The following CSMD1 variants were observed in gnomAD, a reference collection of about 807,000 sequenced individuals.
CSMD1 encodes the protein CUB and Sushi multiple domains 1.
CSMD1 carries 213 observed loss-of-function variants against 417.5 expected under a neutral mutation model. That is an observed-to-expected ratio of 0.51 (90% CI 0.46 to 0.57). The LOEUF (loss-of-function observed/expected upper bound fraction) is 0.57. CSMD1 is among the 20% of genes least tolerant of loss of function. The probability of loss-of-function intolerance (pLI) is 0.00; values close to 1 mark genes in which losing one functional copy is unlikely to be tolerated. For synonymous variants in CSMD1, 2,862 were observed against 1,736.8 expected, an observed-to-expected ratio of 1.65 and a Z score of -16.11; for missense variants, 6,923 against 4,529.7, an observed-to-expected ratio of 1.53 and a Z score of -15.17.
At chr8:4,908,992 T>C (rs1005796871) in intron 1 of CSMD1, among the ~76,000 whole-genome samples, 5 of 152,236 alleles carry the variant, frequency 3.3e-5, no homozygotes, top group African/African-American at 1.2e-4. Flanking sequence ...TTTCTCGTTT[T>C]CTTTTTGGTA....
chr8:3,557,370 T>C (rs1218881260), intron 10 of CSMD1, among the ~76,000 whole-genome samples: 1 of 152,158 alleles, frequency 6.6e-6, no homozygotes, highest in Non-Finnish European at 1.5e-5. Context: ...ACTTGGCCAT[T>C]ATTACTATCA....
At chr8:3,216,643 G>A (rs966881483) in intron 29 of CSMD1, among the ~76,000 whole-genome samples, 10 of 152,126 alleles carry the variant, frequency 6.6e-5, no homozygotes, top group African/African-American at 1.2e-4. Flanking sequence ...AGGATGTTCC[G>A]TGATAAATCA....
chr8:4,255,227 C>T (rs1233801041), intron 3 of CSMD1, among the ~76,000 whole-genome samples: 1 of 152,124 alleles, frequency 6.6e-6, no homozygotes, highest in Non-Finnish European at 1.5e-5. Flanking sequence ...CATGCAGTCC[C>T]TATGGATTTG....
In CSMD1 at chr8:4,756,040, C is replaced by A. The variant is rs566803350; in HGVS notation, c.86-118482G>T. Among the ~76,000 whole-genome samples the A allele has an allele frequency of 4.6e-5, 7 of 152,258 alleles. No individual in the cohort carries two copies. In the South Asian group the frequency reaches 1.4e-3, roughly 32 times the overall value. ...TTGCTAATTGTTTAGTTCACAAATACAAATGCTAAATCTCCAACCTTTTTA... is the reference window on the plus strand; with the variant it reads ...TTGCTAATTGTTTAGTTCACAAATAAAAATGCTAAATCTCCAACCTTTTTA... On this transcript the variant is annotated intron_variant, in intron 1 of 69. Coordinates refer to ENST00000635120, the MANE Select transcript of CSMD1 (RefSeq NM_033225.6).
At chr8:3,311,616 G>A (rs548206028) in intron 23 of CSMD1, among the ~76,000 whole-genome samples, 4 of 152,290 alleles carry the variant, frequency 2.6e-5, no homozygotes, top group South Asian at 2.1e-4. Context: ...ATACTGTACA[G>A]GAAATGAAAA....
At chr8:3,278,780 T>A (rs968301524) in intron 26 of CSMD1, 2 of 152,220 alleles carry the variant, frequency 1.3e-5, no homozygotes. Flanking sequence ...GTTTTGCACT[T>A]TGTGAAGAGT....
intron 42 of CSMD1, among the ~76,000 whole-genome samples, chr8:3,118,032 T>G (rs192304191): frequency 1.3e-5 from 2 of 152,334 alleles, no homozygotes; most frequent in Admixed American, 1.3e-4. Flanking sequence ...GTACCCTTTT[T>G]CCCTCTGGTC....
chr8:4,036,441 G>A (rs1302275103), intron 3 of CSMD1, among the ~76,000 whole-genome samples: 5 of 152,284 alleles, frequency 3.3e-5, no homozygotes, highest in African/African-American at 1.2e-4. Context: ...TATCATTAAT[G>A]AATATGAGTC....
chr8:3,011,436 G>C (rs982342799), intron 52 of CSMD1, among the ~76,000 whole-genome samples: 3 of 151,970 alleles, frequency 2.0e-5, no homozygotes, highest in African/African-American at 7.3e-5. Flanking sequence ...CAAAATACAA[G>C]GCAATTGAAG....
intron 5 of CSMD1, among the ~76,000 whole-genome samples, chr8:3,954,594 C>T (rs78775063): frequency 0.014 from 2,109 of 152,336 alleles, 43 homozygotes; most frequent in African/African-American, 0.048. Flanking sequence ...GAACGCCTGA[C>T]CTCGTGATCC....
At chr8:4,469,262 G>A (rs879461212) in intron 2 of CSMD1, among the ~76,000 whole-genome samples, 1 of 152,162 alleles carries the variant, frequency 6.6e-6, no homozygotes, top group East Asian at 1.9e-4. Flanking sequence ...GGGTCAGGCT[G>A]CAGCAAAGAC....
intron 2 of CSMD1, among the ~76,000 whole-genome samples, chr8:4,460,331 A>T (rs768177141): frequency 2.6e-5 from 4 of 152,154 alleles, no homozygotes; most frequent in African/African-American, 9.7e-5. Context: ...AATGCAACTG[A>T]AGAATTGCAT....
At position 2,954,225 on chromosome 8, in the gene CSMD1, T is replaced by C. The variant is rs759640933; in HGVS notation, c.10038A>G (p.Pro3346=). ...CTAGAACTGTTCTGGTATACAAACCTGGAGTTTTAGTAACTGTTTCATTAA... is the reference window on the plus strand; with the variant it reads ...CTAGAACTGTTCTGGTATACAAACCCGGAGTTTTAGTAACTGTTTCATTAA... ...REVNETVTKT[P]VPSDVFFVNS... The change falls in exon 65 of 70, where the codon CCA becomes CCG. Residue 3346 remains proline, a splice_region_variant and synonymous_variant. Coordinates refer to ENST00000635120, the MANE Select transcript of CSMD1 (RefSeq NM_033225.6). 1.3e-6 allele frequency: 2 copies of C among 1,496,390 alleles called. No homozygotes were observed. Among genetic ancestry groups the C allele is most frequent in the South Asian group, 1.2e-5 (1 of 80,662 alleles). 92.7% of individuals were successfully genotyped at this position (1,496,390 alleles called of 1,614,324 possible). A position where few individuals can be genotyped will look rare whatever the true frequency, so the allele number is the denominator to read the frequency against.
intron 2 of CSMD1, among the ~76,000 whole-genome samples, chr8:4,531,298 G>T (rs1043418217): frequency 3.3e-5 from 5 of 152,120 alleles, no homozygotes; most frequent in Admixed American, 6.5e-5. Flanking sequence ...AACTAAACCC[G>T]ATGTGCCGTG....
At chr8:3,557,498 C>T (rs368803906) in intron 10 of CSMD1, among the ~76,000 whole-genome samples, 2 of 151,780 alleles carry the variant, frequency 1.3e-5, no homozygotes, top group South Asian at 2.1e-4. Flanking sequence ...CAACATGTCT[C>T]ATTATGCACC....
intron 69 of CSMD1, among the ~76,000 whole-genome samples, chr8:2,941,913 G>C (rs1240918916): frequency 6.6e-6 from 1 of 152,158 alleles, no homozygotes; most frequent in South Asian, 2.1e-4. Flanking sequence ...CCTGAATGTA[G>C]AGATAGAATC....
intron 23 of CSMD1, among the ~76,000 whole-genome samples, chr8:3,325,801 G>A (rs1475469185): frequency 6.6e-6 from 1 of 152,134 alleles, no homozygotes; most frequent in African/African-American, 2.4e-5. Flanking sequence ...TCCAGCCTGG[G>A]CGACAGAGTG....
At chr8:3,467,710 G>C (rs759616238) in intron 12 of CSMD1, among the ~76,000 whole-genome samples, 5 of 152,046 alleles carry the variant, frequency 3.3e-5, no homozygotes, top group Non-Finnish European at 7.3e-5. Flanking sequence ...CAGAGAGAGA[G>C]AGCAGCCAAG....
chr8:3,764,252 C>T (rs1295075905), intron 5 of CSMD1, among the ~76,000 whole-genome samples: 1 of 152,182 alleles, frequency 6.6e-6, no homozygotes, highest in East Asian at 1.9e-4. Context: ...GCTTCTCTTC[C>T]AGCTACACAC....
Sources: allele counts gnomAD v4.1 joint callset (sites outside exome capture counted in the v4.1 genomes callset), GRCh38; gene constraint gnomAD v4.1.1; transcripts MANE v1.5; gene names NCBI Gene and HGNC (gene_info 2026-07-23, HGNC 2026-07-21).